The following PRKN variants were observed in gnomAD, a reference collection of about 807,000 sequenced individuals.
PRKN encodes E3 ubiquitin-protein ligase parkin.
In PRKN, 56 loss-of-function variants were observed where a neutral mutation model predicts 59.5. The ratio of observed to expected loss-of-function variants is 0.94; its 90% CI spans 0.76 to 1.18. The LOEUF (loss-of-function observed/expected upper bound fraction) is 1.18, where lower values mean the gene tolerates loss of function less well. Among genes scored for constraint, PRKN ranks in the 50% most tolerant of loss-of-function variants. The probability of loss-of-function intolerance (pLI) is 0.00; values close to 1 mark genes in which losing one functional copy is unlikely to be tolerated. For synonymous variants in PRKN, 250 were observed against 222.1 expected, an observed-to-expected ratio of 1.13 and a Z score of -1.12; for missense variants, 657 against 596.4, an observed-to-expected ratio of 1.10 and a Z score of -1.06.
At chr6:161,760,338 T>C (rs1789142136) in intron 7 of PRKN, among the ~76,000 whole-genome samples, 1 of 149,852 alleles carries the variant, frequency 6.7e-6, no homozygotes, top group South Asian at 2.1e-4. Context: ...AATTGGACTT[T>C]TACATTTTTA....
intron 7 of PRKN, among the ~76,000 whole-genome samples, chr6:161,664,793 C>T (rs377411054): frequency 1.0e-4 from 15 of 145,370 alleles, no homozygotes; most frequent in East Asian, 2.0e-4. Context: ...CTGACTTTTT[C>T]TTTTTTTTTT....
intron 6 of PRKN, among the ~76,000 whole-genome samples, chr6:161,971,565 C>T (rs1184937625): frequency 6.6e-6 from 1 of 152,216 alleles, no homozygotes; most frequent in Non-Finnish European, 1.5e-5. Context: ...TAGCCATACA[C>T]AGTCATTCAC....
rs189549604 is a variant in PRKN, at chr6:162,367,163, C to G, written c.171+76147G>C. Among the ~76,000 whole-genome samples, 476 of 152,162 alleles carry G rather than the reference C, an allele frequency of 3.1e-3. 4 individuals carry two copies. The highest frequency in any genetic ancestry group is 0.011 in the African/African-American group (459 of 41,514). On this transcript the variant is annotated intron_variant, in intron 2 of 11. Coordinates refer to ENST00000366898, the MANE Select transcript of PRKN (RefSeq NM_004562.3). The stretch of plus-strand genomic sequence containing the variant: ...TGATGGTTTTATCAGGGACTTTTTC[C>G]CCTTTTGCTCGGCAGTTCTCCTTGC...
chr6:161,807,238 C>G (rs1416187835), intron 6 of PRKN, among the ~76,000 whole-genome samples: 1 of 152,174 alleles, frequency 6.6e-6, no homozygotes, highest in Non-Finnish European at 1.5e-5. Context: ...AACAGTCACA[C>G]GTGTGCACAC....
chr6:161,386,873 G>A lies in PRKN; in HGVS notation c.1088C>T (p.Ala363Val), dbSNP rs759676993. The change falls in exon 10 of 12, where the codon GCC becomes GTC. Residue 363 changes from alanine (A) to valine (V), a missense_variant. Transcript: ENST00000366898. The surrounding 1 kb of genome is among the most constrained non-coding windows in gnomAD (Gnocchi z 4.3). ...EGGNGLGCGF[A>V]FCRECKEAYH... The stretch of plus-strand genomic sequence containing the variant: ...CGCTTCTTTACATTCCCGGCAGAAG[G>A]CAAACTGCAAAAGAACACACATCCA... 6.2e-7 allele frequency: 1 copy of A among 1,613,564 alleles called. No homozygotes were observed. Among genetic ancestry groups the A allele is most frequent in the East Asian group, 2.2e-5 (1 of 44,880 alleles).
intron 7 of PRKN, among the ~76,000 whole-genome samples, chr6:161,716,616 G>A (rs549476241): frequency 1.3e-5 from 2 of 152,306 alleles, no homozygotes; most frequent in South Asian, 2.1e-4. Flanking sequence ...TCTCAAGAGG[G>A]GGGGAAAAGA....
chr6:162,607,038 T>C (rs1476536993), intron 1 of PRKN, among the ~76,000 whole-genome samples: 1 of 150,448 alleles, frequency 6.6e-6, no homozygotes, highest in Non-Finnish European at 1.5e-5. Context: ...ACAAAAACAC[T>C]GGAAGAAGAC....
At chr6:161,679,682 C>T (rs1208860793) in intron 7 of PRKN, among the ~76,000 whole-genome samples, 7 of 134,220 alleles carry the variant, frequency 5.2e-5, no homozygotes, top group Non-Finnish European at 9.6e-5. Context: ...CCACCCCCCC[C>T]CCTTTTTTTT....
chr6:162,550,647 T>C (rs1232891640), intron 1 of PRKN, among the ~76,000 whole-genome samples: 1 of 152,188 alleles, frequency 6.6e-6, no homozygotes, highest in East Asian at 1.9e-4. Flanking sequence ...GAGGAGTTGG[T>C]TCTAGAGTCT....
chr6:162,469,148 T>C (rs111995962), intron 1 of PRKN, among the ~76,000 whole-genome samples: 41 of 152,202 alleles, frequency 2.7e-4, no homozygotes, highest in African/African-American at 9.6e-4. Context: ...CACCTTCTGG[T>C]GTATTTACAA....
At chr6:161,914,633 A>C (rs1201948120) in intron 6 of PRKN, among the ~76,000 whole-genome samples, 5 of 151,382 alleles carry the variant, frequency 3.3e-5, no homozygotes, top group Non-Finnish European at 7.4e-5. Context: ...AAAACCTAGG[A>C]GGTCTGTTGA....
chr6:162,524,227 C>A (rs927781597), intron 1 of PRKN, among the ~76,000 whole-genome samples: 2 of 152,148 alleles, frequency 1.3e-5, no homozygotes, highest in African/African-American at 4.8e-5. Context: ...TTTTAATCAA[C>A]ATATTTTATG....
intron 6 of PRKN, among the ~76,000 whole-genome samples, chr6:161,820,651 A>C (rs1200022784): frequency 1.8e-4 from 27 of 148,266 alleles, no homozygotes; most frequent in Admixed American, 1.8e-3. Flanking sequence ...AAAATATATG[A>C]ATAAAATTTT....
chr6:161,877,856 G>A (rs1794793608), intron 6 of PRKN, among the ~76,000 whole-genome samples: 1 of 152,132 alleles, frequency 6.6e-6, no homozygotes, highest in South Asian at 2.1e-4. Flanking sequence ...GGCATGTGGG[G>A]TGGACAGGCC....
chr6:161,472,655 A>G (rs1032982503), intron 9 of PRKN, among the ~76,000 whole-genome samples: 1 of 152,184 alleles, frequency 6.6e-6, no homozygotes, highest in African/African-American at 2.4e-5. Flanking sequence ...CAACTGGACT[A>G]CACCAAACTA....
In PRKN at chr6:161,545,024, G is replaced by T; in HGVS notation, c.1083+3830C>A. On this transcript the variant is annotated intron_variant, in intron 9 of 11. Coordinates refer to ENST00000366898, the MANE Select transcript of PRKN (RefSeq NM_004562.3). The surrounding 1 kb of genome is among the most constrained non-coding windows in gnomAD (Gnocchi z 4.1). The stretch of plus-strand genomic sequence containing the variant: ...CCAGGTACATGGTCGTGGGTGAAAT[G>T]ACTAGAAGATTAGAATCCTCTGGAG... The T allele has an allele frequency of 2.6e-6, 1 of 378,620 alleles. No individual in the cohort carries two copies. The highest frequency in any genetic ancestry group is 3.9e-6 in the Non-Finnish European group (1 of 255,986). The allele number at this position is 378,620 out of a possible 1,614,324, so 23.5% of individuals were successfully genotyped here. A position where few individuals can be genotyped will look rare whatever the true frequency, so the allele number is the denominator to read the frequency against.
At chr6:162,144,507 G>C (rs1583098414) in intron 4 of PRKN, among the ~76,000 whole-genome samples, 2 of 152,276 alleles carry the variant, frequency 1.3e-5, no homozygotes, top group East Asian at 1.9e-4. Context: ...AGATCAGCTG[G>C]TGTAGGTTTA....
chr6:162,352,132 A>G (rs1412166594), intron 2 of PRKN, among the ~76,000 whole-genome samples: 1 of 152,114 alleles, frequency 6.6e-6, no homozygotes, highest in Admixed American at 6.5e-5. Flanking sequence ...TGAGACATGG[A>G]CTTCACAAAC....
chr6:161,706,539 C>T (rs567710235), intron 7 of PRKN, among the ~76,000 whole-genome samples: 8 of 152,246 alleles, frequency 5.3e-5, no homozygotes, highest in African/African-American at 1.7e-4. Context: ...AATCGATAAA[C>T]GAAAGACAAG....
Sources: allele counts gnomAD v4.1 joint callset (sites outside exome capture counted in the v4.1 genomes callset), GRCh38; gene constraint gnomAD v4.1.1; non-coding constraint Gnocchi (gnomAD v3.1); transcripts MANE v1.5; gene names NCBI Gene and HGNC (gene_info 2026-07-23, HGNC 2026-07-21).